Variants in PRELID2 observed in about 807,000 individuals in gnomAD.
The protein encoded by PRELID2 is PRELI domain containing 2.
Under a neutral mutation model 28.4 loss-of-function variants are expected in PRELID2, and 25 were observed. The observed-to-expected ratio is 0.88, with a 90% CI of 0.64 to 1.23. PRELID2 has a LOEUF of 1.23. Among genes scored for constraint, PRELID2 ranks in the 50% most tolerant of loss-of-function variants. PRELID2 has a pLI of 0.00. For synonymous variants in PRELID2, 76 were observed against 71.6 expected, an observed-to-expected ratio of 1.06 and a Z score of -0.31; for missense variants, 201 against 214.4, an observed-to-expected ratio of 0.94 and a Z score of 0.39.
At chr5:145,471,432 A>G (rs1752053455), downstream of PRELID2, among the ~76,000 whole-genome samples, 1 of 152,164 alleles carries the variant, frequency 6.6e-6, no homozygotes, top group South Asian at 2.1e-4. Context: ...GAAGCAATCA[A>G]GAGAATTTTA....
downstream of PRELID2, among the ~76,000 whole-genome samples, chr5:145,469,629 T>A (rs1752033617): frequency 6.6e-6 from 1 of 152,080 alleles, no homozygotes; most frequent in African/African-American, 2.4e-5. Context: ...AACTGATAGA[T>A]GGAAGCAATG....
At chr5:145,237,190 A>G in the PRELID2 span, among the ~76,000 whole-genome samples, 1 of 152,186 alleles carries the variant, frequency 6.6e-6, no homozygotes, top group Non-Finnish European at 1.5e-5. Context: ...GAGCCACAGC[A>G]GTTGACTCAC....
chr5:145,535,837 T>G (rs567081333), intron 1 of PRELID2, among the ~76,000 whole-genome samples: 51 of 151,980 alleles, frequency 3.4e-4, no homozygotes, highest in Non-Finnish European at 5.2e-4. Context: ...CCTTTAGTTC[T>G]GACATGTCAC....
At chr5:145,324,804 G>A in the PRELID2 span, among the ~76,000 whole-genome samples, 3 of 152,182 alleles carry the variant, frequency 2.0e-5, no homozygotes, top group Admixed American at 1.3e-4. Flanking sequence ...GGAAACTTAT[G>A]CCTAGAGTGG....
the PRELID2 span, among the ~76,000 whole-genome samples, chr5:145,275,833 C>T: frequency 6.6e-6 from 1 of 152,140 alleles, no homozygotes; most frequent in Non-Finnish European, 1.5e-5. Context: ...CACTTACCAG[C>T]TTGTGACTTT....
intron 1 of PRELID2, among the ~76,000 whole-genome samples, chr5:145,540,423 T>C (rs930658999): frequency 1.1e-4 from 17 of 151,980 alleles, no homozygotes; most frequent in Non-Finnish European, 1.6e-4. Context: ...TTTCTTGTGG[T>C]ACTATCCATA....
At chr5:145,315,290 G>T in the PRELID2 span, among the ~76,000 whole-genome samples, 5 of 151,890 alleles carry the variant, frequency 3.3e-5, no homozygotes, top group East Asian at 7.7e-4. Flanking sequence ...GGATGGTTTC[G>T]ATCTCTTGAC....
intron 1 of PRELID2, among the ~76,000 whole-genome samples, chr5:145,706,183 C>A (rs1755541462): frequency 6.6e-6 from 1 of 152,154 alleles, no homozygotes; most frequent in African/African-American, 2.4e-5. Context: ...GAGTGCACAA[C>A]TCCACCAAGG....
chr5:145,350,590 T>C, the PRELID2 span, among the ~76,000 whole-genome samples: 2 of 152,222 alleles, frequency 1.3e-5, no homozygotes, highest in Non-Finnish European at 2.9e-5. Flanking sequence ...TGAGGAGCCT[T>C]CACTCATGAT....
At chr5:145,395,598 G>A in the PRELID2 span, among the ~76,000 whole-genome samples, 1,341 of 152,226 alleles carry the variant, frequency 8.8e-3, 21 homozygotes, top group African/African-American at 0.03. Context: ...ACCTTGTTGC[G>A]TGGTATTGAG....
the PRELID2 span, among the ~76,000 whole-genome samples, chr5:145,284,141 T>A: frequency 2.6e-5 from 4 of 152,220 alleles, no homozygotes; most frequent in Non-Finnish European, 5.9e-5. Flanking sequence ...CATGTGTTTA[T>A]TCTGAGGATT....
chr5:145,715,369 C>T (rs1348667254), intron 1 of PRELID2, among the ~76,000 whole-genome samples: 1 of 152,134 alleles, frequency 6.6e-6, no homozygotes, highest in Non-Finnish European at 1.5e-5. Flanking sequence ...TTTACTTCTA[C>T]TACCCTAATC....
chr5:145,233,747 C>A, the PRELID2 span, among the ~76,000 whole-genome samples: 1 of 152,174 alleles, frequency 6.6e-6, no homozygotes, highest in Non-Finnish European at 1.5e-5. Flanking sequence ...CACCTAGTAT[C>A]ACCCCCTACT....
At chr5:145,766,439 C>T (rs1262056162) in intron 5 of PRELID2, among the ~76,000 whole-genome samples, 1 of 152,082 alleles carries the variant, frequency 6.6e-6, no homozygotes, top group Admixed American at 6.5e-5. Context: ...GATCTAAGCC[C>T]AGGGATGGGG....
At chr5:145,514,318 C>CA (rs55760860) in intron 1 of PRELID2, among the ~76,000 whole-genome samples, 1,287 of 67,422 alleles carry the variant, frequency 0.019, 58 homozygotes, top group African/African-American at 0.039. Context: ...AAATGGAAAG[C>CA]AAAAAAAAAA....
At chr5:145,397,219 C>G in the PRELID2 span, among the ~76,000 whole-genome samples, 1 of 152,130 alleles carries the variant, frequency 6.6e-6, no homozygotes, top group Non-Finnish European at 1.5e-5. Flanking sequence ...CCATTTCCCT[C>G]TACATGTTCC....
chr5:145,661,696 A>T (rs1018147940), intron 1 of PRELID2, among the ~76,000 whole-genome samples: 2 of 149,434 alleles, frequency 1.3e-5, no homozygotes, highest in African/African-American at 4.9e-5. Flanking sequence ...AAAACATGTT[A>T]TGCTTGCAAG....
the PRELID2 span, among the ~76,000 whole-genome samples, chr5:145,278,252 A>G: frequency 6.6e-6 from 1 of 152,294 alleles, no homozygotes; most frequent in South Asian, 2.1e-4. Flanking sequence ...TTGCTGTGTA[A>G]TAATATTACC....
chr5:145,372,453 AT>A, the PRELID2 span, among the ~76,000 whole-genome samples: 1 of 151,874 alleles, frequency 6.6e-6, no homozygotes, highest in African/African-American at 2.4e-5. Context: ...GGGTGTTAAA[AT>A]CTCCCATTAT....
Sources: gnomAD v4.1 joint callset for allele counts (sites outside exome capture counted in the v4.1 genomes callset) on GRCh38, gnomAD v4.1.1 for gene constraint, MANE v1.5 for transcripts, NCBI Gene and HGNC (gene_info 2026-07-23, HGNC 2026-07-21) for gene names.